The following TNS1 variants were observed in gnomAD, a reference collection of about 807,000 sequenced individuals.
The protein encoded by TNS1 is tensin 1, also known as tensin-1.
TNS1 carries 62 observed loss-of-function variants against 168.6 expected under a neutral mutation model. That is an observed-to-expected ratio of 0.37 (90% CI 0.30 to 0.45). The LOEUF (loss-of-function observed/expected upper bound fraction) is 0.45. Among genes scored for constraint, TNS1 ranks in the 20% least tolerant of loss-of-function variants. The pLI is 1.00. For synonymous variants in TNS1, 934 were observed against 933.2 expected (o/e 1.00, Z -0.02); for missense variants, 2,240 against 2,339.4 (o/e 0.96, Z 0.88).
chr2:217,838,746 T>C (rs1200118531), intron 19 of TNS1, among the ~76,000 whole-genome samples: 1 of 152,198 alleles, frequency 6.6e-6, no homozygotes, highest in African/African-American at 2.4e-5. Flanking sequence ...CCCTCTCTCT[T>C]GTCTTGCTCT....
intron 19 of TNS1, among the ~76,000 whole-genome samples, chr2:217,845,467 C>T (rs1280894197): frequency 2.0e-5 from 3 of 152,238 alleles, no homozygotes; most frequent in African/African-American, 7.2e-5. Flanking sequence ...GCAGGACCTG[C>T]TGACATAAAT....
chr2:218,002,552 G>A (rs1366751627), intron 1 of TNS1, among the ~76,000 whole-genome samples: 4 of 118,078 alleles, frequency 3.4e-5, no homozygotes, highest in Non-Finnish European at 3.2e-5. Context: ...CTTCTCTGTG[G>A]CCTCCTTCCA....
At chr2:218,023,062 A>C (rs541025422) in intron 1 of TNS1, among the ~76,000 whole-genome samples, 3 of 152,330 alleles carry the variant, frequency 2.0e-5, no homozygotes, top group African/African-American at 7.2e-5. Flanking sequence ...TCAGGCTCAA[A>C]GGCCAATCTG....
At chr2:217,850,548 T>C (rs1271782075) in intron 18 of TNS1, 1 of 983,682 alleles carries the variant, frequency 1.0e-6, no homozygotes, top group African/African-American at 1.8e-5. Flanking sequence ...TTTCACACCC[T>C]GTACAGTCAG....
intron 2 of TNS1, among the ~76,000 whole-genome samples, chr2:217,980,540 GAGA>G: frequency 7.4e-6 from 1 of 134,468 alleles, no homozygotes; most frequent in Non-Finnish European, 1.6e-5. Flanking sequence ...GAGAGAGAGA[GAGA>G]GAGGAGCCTG....
At chr2:217,974,475 A>C (rs1449232704) in intron 3 of TNS1, among the ~76,000 whole-genome samples, 1 of 152,140 alleles carries the variant, frequency 6.6e-6, no homozygotes, top group Non-Finnish European at 1.5e-5. Flanking sequence ...AGGCACTCCT[A>C]CTATGGACTA....
intron 3 of TNS1, among the ~76,000 whole-genome samples, chr2:217,962,874 T>C (rs1957533555): frequency 6.6e-6 from 1 of 152,092 alleles, no homozygotes; most frequent in Non-Finnish European, 1.5e-5. Context: ...AAAAGGGCAG[T>C]GGTGGGAACA....
intron 19 of TNS1, among the ~76,000 whole-genome samples, chr2:217,840,053 G>A (rs994970930): frequency 6.6e-6 from 1 of 152,242 alleles, no homozygotes; most frequent in African/African-American, 2.4e-5. Flanking sequence ...AAGAAAGGAG[G>A]GAGGGGCGGT....
intron 6 of TNS1, among the ~76,000 whole-genome samples, chr2:217,902,777 T>G (rs1953166430): frequency 6.6e-6 from 1 of 152,132 alleles, no homozygotes; most frequent in African/African-American, 2.4e-5. Context: ...GTGACCCCAG[T>G]GCAGAGGATG....
chr2:217,851,746 A>C (rs1947528530), intron 18 of TNS1, among the ~76,000 whole-genome samples: 1 of 152,244 alleles, frequency 6.6e-6, no homozygotes, highest in African/African-American at 2.4e-5. Context: ...TGCCTCTTCC[A>C]ACCCCCTATT....
intron 7 of TNS1, among the ~76,000 whole-genome samples, chr2:217,898,644 G>A (rs1952581767): frequency 6.6e-6 from 1 of 152,202 alleles, no homozygotes; most frequent in Admixed American, 6.5e-5. Context: ...TGCCAGAGCT[G>A]CTTCTTGGCA....
chr2:217,944,113 C>A (rs1957039696), intron 3 of TNS1: 1 of 152,412 alleles, frequency 6.6e-6, no homozygotes, highest in African/African-American at 2.4e-5. Flanking sequence ...CAGGCCAGCC[C>A]AGGGGGCGGG....
At chr2:217,838,517 C>T (rs1945480313) in intron 19 of TNS1, among the ~76,000 whole-genome samples, 1 of 152,222 alleles carries the variant, frequency 6.6e-6, no homozygotes, top group South Asian at 2.1e-4. Flanking sequence ...GAGGGAATGA[C>T]CTCCAAAGAG....
Position 217,821,877 on chromosome 2 carries a change from G to A in TNS1, c.3435C>T (p.Asp1145=). ...RTAVAGPRAQ[D]SEPKSFSAPA... ...GAGCACTAAAGCTCTTGGGCTCAGA[G>A]TCCTGAGCTCGGGGTCCAGCCACCG... The change falls in exon 23 of 33, where the codon GAC becomes GAT. Residue 1145 remains aspartate (D), a synonymous_variant. Coordinates refer to ENST00000682258, the MANE Select transcript of TNS1 (RefSeq NM_001387777.1). 6.3e-7 allele frequency: 1 copy of A among 1,590,126 alleles called. No individual in the cohort carries two copies. The highest frequency in any genetic ancestry group is 8.6e-7 in the Non-Finnish European group (1 of 1,169,032).
chr2:218,019,867 A>G (rs1958792349), intron 1 of TNS1, among the ~76,000 whole-genome samples: 1 of 151,910 alleles, frequency 6.6e-6, no homozygotes, highest in African/African-American at 2.4e-5. Flanking sequence ...TATCCTGTCA[A>G]TGGCCCCAAG....
chr2:217,818,117 G>A lies in TNS1; in HGVS notation c.4215C>T (p.Gly1405=), dbSNP rs1384092402. The change falls in exon 24 of 33, where the codon GGC becomes GGT. Residue 1405 remains glycine (G), a synonymous_variant. Coordinates refer to ENST00000682258, the MANE Select transcript of TNS1 (RefSeq NM_001387777.1). ...AIASPGSPSL[G]RHLGGSGSVV... is the part of the protein sequence containing the mutation. ...CAGATCCAGACCCTCCGAGGTGACG[G>A]CCCAGGCTGGGGCTTCCAGGGCTGG... 1 of 1,613,926 alleles carries A rather than the reference G, an allele frequency of 6.2e-7. No individual in the cohort carries two copies. Among genetic ancestry groups the A allele is most frequent in the Non-Finnish European group, 8.5e-7 (1 of 1,179,950 alleles).
chr2:217,949,121 C>T (rs1184294161), intron 3 of TNS1, among the ~76,000 whole-genome samples: 1 of 152,150 alleles, frequency 6.6e-6, no homozygotes, highest in African/African-American at 2.4e-5. Flanking sequence ...GAGTCAAGGC[C>T]TCAGGTTCCA....
Position 217,947,516 on chromosome 2 carries a change from G to A in TNS1, c.187-27280C>T, listed in dbSNP as rs3791894. Reference sequence around the variant, plus strand: ...GTCAGAAACAGAGACCCAGAAGGAGGAAAGAGATGGAGCTGGGGGTGGCGG... The same window carrying A: ...GTCAGAAACAGAGACCCAGAAGGAGAAAAGAGATGGAGCTGGGGGTGGCGG... On this transcript the variant is annotated intron_variant, in intron 3 of 32. Coordinates refer to ENST00000682258, the MANE Select transcript of TNS1 (RefSeq NM_001387777.1). Among the ~76,000 whole-genome samples the A allele has an allele frequency of 0.017, 2,608 of 152,250 alleles. 136 individuals carry two copies. The East Asian group carries it at 0.2, about 12-fold the overall frequency.
chr2:217,990,058 A>ATG (rs1958318020), intron 2 of TNS1, among the ~76,000 whole-genome samples: 1 of 146,086 alleles, frequency 6.8e-6, no homozygotes, highest in African/African-American at 2.5e-5. Context: ...CCCTCAGCAC[A>ATG]CATCATCCAC....
Sources: allele counts gnomAD v4.1 joint callset (sites outside exome capture counted in the v4.1 genomes callset), GRCh38; gene constraint gnomAD v4.1.1; transcripts MANE v1.5; gene names NCBI Gene and HGNC (gene_info 2026-07-23, HGNC 2026-07-21).